Variants in AIG1 observed in about 807,000 individuals in gnomAD.
The protein encoded by AIG1 is androgen induced 1, also known as androgen-induced gene 1 protein.
AIG1 carries 23 observed loss-of-function variants against 31.4 expected under a neutral mutation model. The observed-to-expected ratio is 0.73, with a 90% confidence interval of 0.53 to 1.04. The LOEUF is 1.04. Ranked by LOEUF, AIG1 falls within the 50% of genes least tolerant of loss-of-function variation. AIG1 has a pLI of 0.00. For missense variants in AIG1, 274 were observed against 295.0 expected (o/e 0.93, Z 0.52); for synonymous variants, 100 against 110.5 (o/e 0.90, Z 0.60).
At chr6:143,262,891 A>G (rs1049053416) in intron 3 of AIG1, among the ~76,000 whole-genome samples, 5 of 152,144 alleles carry the variant, frequency 3.3e-5, no homozygotes, top group African/African-American at 9.7e-5. Flanking sequence ...TGTTATTGCA[A>G]TGCTTTCTAA....
At chr6:143,263,380 A>G (rs1322836153) in intron 3 of AIG1, among the ~76,000 whole-genome samples, 1 of 150,792 alleles carries the variant, frequency 6.6e-6, no homozygotes, top group African/African-American at 2.4e-5. Flanking sequence ...TCTCCTGCTC[A>G]TCTGCTCAGC....
At position 143,328,505 on chromosome 6, in the gene AIG1, C is replaced by A. The variant is rs1164309121; in HGVS notation, c.516-4777C>A. ...GTACCCATGGCACGCCTACACTTAC[C>A]CTTTCTTAATTCTGACTACACTTGT... On this transcript the variant is annotated intron_variant, in intron 4 of 5. Transcript: ENST00000357847. This position sits in a 1 kb window ranked among gnomAD's most constrained non-coding sequence, Gnocchi z 4.0. Among the ~76,000 whole-genome samples, 1 of 152,096 alleles carries A rather than the reference C, an allele frequency of 6.6e-6. No individual in the cohort carries two copies. Among genetic ancestry groups the A allele is most frequent in the Non-Finnish European group, 1.5e-5 (1 of 68,008 alleles).
At chr6:143,312,020 A>G (rs926056694) in intron 4 of AIG1, among the ~76,000 whole-genome samples, 19 of 152,072 alleles carry the variant, frequency 1.2e-4, no homozygotes, top group Non-Finnish European at 2.2e-4. Flanking sequence ...AAAGAGCTCT[A>G]CAATGAAAAC....
Position 143,312,931 on chromosome 6 carries a change from A to G in AIG1, c.516-20351A>G, listed in dbSNP as rs545069718. On this transcript the variant is annotated intron_variant, in intron 4 of 5. Transcript: ENST00000357847. ...ATAGACCTCAAAAGAAGACATACAA[A>G]TGGCTAACTGGTATAGGAAAAGGTG... Among the ~76,000 whole-genome samples the G allele has an allele frequency of 2.6e-5, 4 of 152,286 alleles. No homozygotes were observed. The South Asian group carries it at 8.3e-4, about 32-fold the overall frequency.
intron 1 of AIG1, among the ~76,000 whole-genome samples, chr6:143,070,942 G>C (rs1777188556): frequency 6.6e-6 from 1 of 152,124 alleles, no homozygotes; most frequent in African/African-American, 2.4e-5. Context: ...TACTGTGTAG[G>C]CTTCACCCAC....
At position 143,180,204 on chromosome 6, in the gene AIG1, T is replaced by C. The variant is rs146458544; in HGVS notation, c.399+15021T>C. Among the ~76,000 whole-genome samples, 118 of 152,346 alleles carry C rather than the reference T, an allele frequency of 7.7e-4. 2 individuals carry two copies. Among genetic ancestry groups the C allele is most frequent in the African/African-American group, 2.7e-3 (112 of 41,576 alleles). ...CATGTGGACCTGGACTTTGATATAA[T>C]TCAATCTAACAAACATGTATTGTAA... On this transcript the variant is annotated intron_variant, in intron 3 of 5. Transcript: ENST00000357847.
chr6:143,195,674 C>T (rs138906270), intron 3 of AIG1, among the ~76,000 whole-genome samples: 1 of 150,918 alleles, frequency 6.6e-6, no homozygotes, highest in Non-Finnish European at 1.5e-5. Flanking sequence ...AGGGAGCCCT[C>T]GCCAGGGAGG....
At chr6:143,088,688 G>A (rs1779025189) in intron 1 of AIG1, among the ~76,000 whole-genome samples, 1 of 152,176 alleles carries the variant, frequency 6.6e-6, no homozygotes, top group Admixed American at 6.5e-5. Context: ...TCATTGGACA[G>A]TACTCATTGA....
chr6:143,240,560 A>G (rs1005422552), intron 3 of AIG1, among the ~76,000 whole-genome samples: 7 of 152,136 alleles, frequency 4.6e-5, no homozygotes, highest in African/African-American at 7.2e-5. Flanking sequence ...ACATCATCCA[A>G]TCTTTGCTCC....
chr6:143,132,422 C>T (rs1367424758), intron 1 of AIG1, among the ~76,000 whole-genome samples: 3 of 151,988 alleles, frequency 2.0e-5, no homozygotes, highest in Admixed American at 6.6e-5. Flanking sequence ...TGGCTTGGAT[C>T]GTTTTACACA....
chr6:143,078,557 G>T (rs547750440), intron 1 of AIG1, among the ~76,000 whole-genome samples: 2 of 152,314 alleles, frequency 1.3e-5, no homozygotes, highest in African/African-American at 4.8e-5. Context: ...GTTCTACATG[G>T]CTGGGGAGGC....
rs927993909 is a variant in AIG1, at chr6:143,340,753, C to T, written c.*1077C>T. Reference sequence around the variant, plus strand: ...CTGGGATTACAGACATGAACCACCGCGCCCAGCCACAAAATTGTTTTTAAA... The same window carrying T: ...CTGGGATTACAGACATGAACCACCGTGCCCAGCCACAAAATTGTTTTTAAA... On this transcript the variant is annotated 3_prime_UTR_variant, in exon 6 of 6. Transcript: ENST00000357847. 1.4e-4 allele frequency among the ~76,000 whole-genome samples: 22 copies of T among 152,166 alleles called. No homozygotes were observed. Among genetic ancestry groups the T allele is most frequent in the African/African-American group, 4.6e-4 (19 of 41,510 alleles).
At chr6:143,130,748 G>A (rs1055838893) in intron 1 of AIG1, among the ~76,000 whole-genome samples, 2 of 151,992 alleles carry the variant, frequency 1.3e-5, no homozygotes, top group Non-Finnish European at 1.5e-5. Context: ...TTAAATTCAG[G>A]GGTACATGTG....
At chr6:143,095,318 C>CA (rs1219764530) in intron 1 of AIG1, among the ~76,000 whole-genome samples, 6 of 151,016 alleles carry the variant, frequency 4.0e-5, no homozygotes, top group African/African-American at 1.5e-4. Context: ...GTGCAGGAAG[C>CA]AAAAAAAATT....
At chr6:143,278,958 A>C (rs1288057772) in intron 3 of AIG1, among the ~76,000 whole-genome samples, 2 of 152,098 alleles carry the variant, frequency 1.3e-5, no homozygotes, top group African/African-American at 4.8e-5. Context: ...CTTTAAGTAC[A>C]TTTATTTAAG....
chr6:143,265,092 A>G (rs1235977091), intron 3 of AIG1, among the ~76,000 whole-genome samples: 3 of 152,144 alleles, frequency 2.0e-5, no homozygotes, highest in Non-Finnish European at 4.4e-5. Context: ...TCTTCCCAAA[A>G]TCTCATTACT....
At chr6:143,150,625 C>G (rs932138978) in intron 2 of AIG1, among the ~76,000 whole-genome samples, 6 of 152,064 alleles carry the variant, frequency 3.9e-5, no homozygotes, top group Admixed American at 3.9e-4. Flanking sequence ...CAAGAAAATG[C>G]CTGCCCTATT....
At chr6:143,091,187 C>G (rs76754754) in intron 1 of AIG1, among the ~76,000 whole-genome samples, 9,382 of 152,180 alleles carry the variant, frequency 0.062, 679 homozygotes, top group East Asian at 0.37. Context: ...TAATTTCTAC[C>G]ACATCTGCAG....
intron 3 of AIG1, among the ~76,000 whole-genome samples, chr6:143,228,209 T>C (rs924909159): frequency 6.6e-6 from 1 of 152,136 alleles, no homozygotes; most frequent in African/African-American, 2.4e-5. Flanking sequence ...TAGATTTGGT[T>C]CTCTCATAGT....
Sources: gnomAD v4.1 joint callset for allele counts (sites outside exome capture counted in the v4.1 genomes callset) on GRCh38, gnomAD v4.1.1 for gene constraint, Gnocchi (gnomAD v3.1) non-coding constraint, MANE v1.5 for transcripts, NCBI Gene and HGNC (gene_info 2026-07-23, HGNC 2026-07-21) for gene names.